Variants in ADGRE1 observed in about 807,000 individuals in gnomAD.
ADGRE1 encodes the protein adhesion G protein-coupled receptor E1, also known as EGF-like module receptor 1.
A neutral mutation model predicts 102.7 loss-of-function variants in ADGRE1; 82 were observed. That is an observed-to-expected ratio of 0.80 (90% CI 0.67 to 0.96). ADGRE1 has a LOEUF of 0.96. Ranked by LOEUF, ADGRE1 falls within the 40% of genes least tolerant of loss-of-function variation. The probability of loss-of-function intolerance (pLI) is 0.00; values close to 1 mark genes in which losing one functional copy is unlikely to be tolerated. For synonymous variants in ADGRE1, 398 were observed against 399.6 expected (o/e 1.00, Z 0.05); for missense variants, 1,032 against 1,085.3 (o/e 0.95, Z 0.69).
intron 16 of ADGRE1, among the ~76,000 whole-genome samples, chr19:6,927,719 T>TGTGTAACTTCGTTACACCCA (rs1974979452): frequency 1.3e-5 from 2 of 151,958 alleles, no homozygotes; most frequent in Non-Finnish European, 2.9e-5. Context: ...TGGAGTGCGG[T>TGTGTAACTTCGTTACACCCA]GGCGTGATCT....
chr19:6,897,396 T>G, intron 4 of ADGRE1, 32 bp from the exon 5 acceptor site: 1 of 1,597,622 alleles, frequency 6.3e-7, no homozygotes, highest in Non-Finnish European at 8.6e-7. Flanking sequence ...ACCCAATTTC[T>G]TATCTGCTCA....
rs762800995 is a variant in ADGRE1, at chr19:6,887,618, T to C, written c.10T>C (p.Phe4Leu). The C allele has an allele frequency of 4.3e-6, 7 of 1,612,714 alleles. No individual in the cohort carries two copies. The Admixed American group carries it at 1.2e-4, about 27-fold the overall frequency. The change falls in exon 1 of 21, where the codon TTC becomes CTC. Residue 4 changes from phenylalanine to leucine, a missense_variant. By Grantham distance (22) the Phe-to-Leu change is conservative (BLOSUM62 0). Coordinates refer to ENST00000312053, the MANE Select transcript of ADGRE1 (RefSeq NM_001974.5). ...ACAGAACTACAGCATAATGCGTGGC[T>C]TCAACCTGCTCCTCTTCTGGGGTGA... MRG[F>L]NLLLFWGCCV...
intron 10 of ADGRE1, among the ~76,000 whole-genome samples, chr19:6,912,149 T>C (rs1476898326): frequency 6.6e-6 from 1 of 151,614 alleles, no homozygotes; most frequent in East Asian, 1.9e-4. Context: ...TAGGCATACA[T>C]AGACATACAC....
intron 5 of ADGRE1, among the ~76,000 whole-genome samples, chr19:6,899,102 G>T (rs1973678196): frequency 6.6e-6 from 1 of 152,192 alleles, no homozygotes; most frequent in Admixed American, 6.5e-5. Flanking sequence ...TTAAGTGGAA[G>T]AGCTGGGATT....
In ADGRE1 at chr19:6,937,334, A is replaced by G; in HGVS notation, c.2473A>G (p.Met825Val). 6.2e-7 allele frequency: 1 copy of G among 1,614,074 alleles called. No homozygotes were observed. Among genetic ancestry groups the G allele is most frequent in the South Asian group, 1.1e-5 (1 of 91,076 alleles). ...TCAGATTGGACCTGTGGCAGGTGTC[A>G]TGGCTTACCTGTTCACCATCATCAA... ...IFQIGPVAGVMAYLFTIINSL... is the reference protein window; with the variant it reads ...IFQIGPVAGVVAYLFTIINSL... The change falls in exon 19 of 21, where the codon ATG becomes GTG. Residue 825 changes from methionine (M) to valine (V), a missense_variant. Transcript: ENST00000312053.
intron 12 of ADGRE1, 140 bp downstream of exon 12, chr19:6,916,508 T>C (rs1974390150): frequency 1.8e-6 from 2 of 1,131,738 alleles, no homozygotes; most frequent in Non-Finnish European, 2.4e-6. Context: ...TCAGAGAGTT[T>C]TCCATGTGCT....
intron 9 of ADGRE1, among the ~76,000 whole-genome samples, chr19:6,908,101 G>T (rs112318416): frequency 1.2e-4 from 18 of 152,220 alleles, no homozygotes. Context: ...AGCCCAGGGC[G>T]GAAAAATCGC....
rs765074068 is a variant in ADGRE1, at chr19:6,897,414, C to A, written c.395-14C>A. 3.1e-6 allele frequency: 5 copies of A among 1,594,054 alleles called. No homozygotes were observed. Among genetic ancestry groups the A allele is most frequent in the Non-Finnish European group, 4.3e-6 (5 of 1,168,718 alleles). On this transcript the variant is annotated splice_polypyrimidine_tract_variant and intron_variant, in intron 4 of 20. Coordinates refer to ENST00000312053, the MANE Select transcript of ADGRE1 (RefSeq NM_001974.5). ...CAATTTCTTATCTGCTCACCCTCTT[C>A]CACTGCTTCTCAGATATCAATGAGT...
intron 2 of ADGRE1, 57 bp downstream of exon 2, chr19:6,890,600 G>A (rs1375247691): frequency 4.9e-5 from 76 of 1,560,856 alleles, no homozygotes; most frequent in Middle Eastern, 1.7e-4. Context: ...TTTTCTCCCC[G>A]GGGAAACATC....
At chr19:6,915,355 A>G (rs1164776753) in intron 11 of ADGRE1, among the ~76,000 whole-genome samples, 2 of 152,154 alleles carry the variant, frequency 1.3e-5, no homozygotes, top group Admixed American at 1.3e-4. Context: ...GGGAACAGGT[A>G]TGGTATTATC....
Position 6,896,685 on chromosome 19 carries a change from C to T in ADGRE1, c.238+144C>T, listed in dbSNP as rs1973564369. On this transcript the variant is annotated intron_variant, in intron 3 of 20. Transcript: ENST00000312053. Reference sequence around the variant, plus strand: ...ATATATTTTAAGTGGAGTATTAGGTCATTTCTGTTCAAGGTTAATATTGAT... The same window carrying T: ...ATATATTTTAAGTGGAGTATTAGGTTATTTCTGTTCAAGGTTAATATTGAT... The T allele has an allele frequency of 6.5e-6, 6 of 916,742 alleles. No homozygotes were observed. In the South Asian group the frequency reaches 9.0e-5, roughly 14 times the overall value. The allele number at this position is 916,742 out of a possible 1,614,324, so 56.8% of individuals were successfully genotyped here.
At chr19:6,902,345 G>A (rs1475053536) in intron 6 of ADGRE1, among the ~76,000 whole-genome samples, 1 of 152,066 alleles carries the variant, frequency 6.6e-6, no homozygotes, top group Non-Finnish European at 1.5e-5. Context: ...ACAGAGCCAG[G>A]CTATGAACCC....
chr19:6,896,447 CAATACAGTGG>C lies in ADGRE1; in HGVS notation c.146_155del (p.Asn49ThrfsTer58). On this transcript the variant is annotated frameshift_variant, in exon 3 of 21. Transcript: ENST00000312053. LOFTEE classifies it high-confidence loss of function. ...TGTGCCCAGCTTATGCCACCTGCAC[CAATACAGTGG>C]ACAGTTACTATTGCGCTTGCAAACA... The C allele has an allele frequency of 6.2e-7, 1 of 1,614,096 alleles. No homozygotes were observed. Among genetic ancestry groups the C allele is most frequent in the Non-Finnish European group, 8.5e-7 (1 of 1,179,990 alleles).
At chr19:6,938,051 T>C (rs1200818050) in intron 20 of ADGRE1, among the ~76,000 whole-genome samples, 1 of 151,696 alleles carries the variant, frequency 6.6e-6, no homozygotes, top group African/African-American at 2.4e-5. Flanking sequence ...TAAATATAGA[T>C]ACCGGCTGGG....
chr19:6,909,442 G>C (rs1453321349), intron 10 of ADGRE1, among the ~76,000 whole-genome samples: 2 of 152,134 alleles, frequency 1.3e-5, no homozygotes, highest in African/African-American at 4.8e-5. Context: ...GTCTTTGGAA[G>C]AGTGTTATAT....
rs1302660433 is a variant in ADGRE1, at chr19:6,934,995, CCTT to C, written c.2301_2303del (p.Leu769del). ...TCTGCTTGACTTTGCAGATCAACTC[CCTT>C]CTCCTGACCTGGACCTTGTGGATCC... is the stretch of plus-strand genomic sequence containing the variant. On this transcript the variant is annotated inframe_deletion, in exon 18 of 21. Coordinates refer to ENST00000312053, the MANE Select transcript of ADGRE1 (RefSeq NM_001974.5). The C allele has an allele frequency of 1.9e-6, 3 of 1,583,786 alleles. No homozygotes were observed. The highest frequency in any genetic ancestry group is 2.6e-6 in the Non-Finnish European group (3 of 1,164,296).
At chr19:6,922,805 C>T (rs920368098) in intron 14 of ADGRE1, among the ~76,000 whole-genome samples, 3 of 151,676 alleles carry the variant, frequency 2.0e-5, no homozygotes, top group Non-Finnish European at 2.9e-5. Flanking sequence ...TCACCTGGCT[C>T]GGTGGCTCAC....
chr19:6,896,322 C>G, intron 2 of ADGRE1, 76 bp from the exon 3 acceptor site: 4 of 1,481,122 alleles, frequency 2.7e-6, no homozygotes, highest in Non-Finnish European at 3.7e-6. Context: ...CACCTCCACC[C>G]TTGTATGCTG....
At chr19:6,932,059 T>C (rs907021553) in intron 17 of ADGRE1, among the ~76,000 whole-genome samples, 1 of 152,136 alleles carries the variant, frequency 6.6e-6, no homozygotes, top group Non-Finnish European at 1.5e-5. Context: ...ATCTAAAACC[T>C]TGGAGATTGA....
Sources: allele counts gnomAD v4.1 joint callset (sites outside exome capture counted in the v4.1 genomes callset), GRCh38; gene constraint gnomAD v4.1.1; transcripts MANE v1.5; gene names NCBI Gene and HGNC (gene_info 2026-07-23, HGNC 2026-07-21).